The following LRFN5 variants were observed in gnomAD, a reference collection of about 807,000 sequenced individuals.
LRFN5 encodes the protein leucine-rich repeat and fibronectin type-III domain-containing protein 5.
In LRFN5, 24 loss-of-function variants were observed where a neutral mutation model predicts 45.6. The observed-to-expected ratio is 0.53, with a 90% CI of 0.38 to 0.74. The LOEUF (loss-of-function observed/expected upper bound fraction) is 0.74. Ranked by LOEUF, LRFN5 falls within the 30% of genes least tolerant of loss-of-function variation. LRFN5 has a pLI of 0.00. For synonymous variants in LRFN5, 340 were observed against 313.8 expected (o/e 1.08, Z -0.88); for missense variants, 776 against 861.5 (o/e 0.90, Z 1.24).
chr14:41,786,342 TC>T (rs1414501904), intron 2 of LRFN5, among the ~76,000 whole-genome samples: 1 of 152,014 alleles, frequency 6.6e-6, no homozygotes, highest in East Asian at 1.9e-4. Context: ...TTTTGTTTTT[TC>T]AAAAAGTAAT....
chr14:41,783,087 A>G (rs1176757016), intron 2 of LRFN5, among the ~76,000 whole-genome samples: 6 of 151,334 alleles, frequency 4.0e-5, no homozygotes, highest in Non-Finnish European at 7.4e-5. Context: ...CCTTTGACAA[A>G]TAGGGCTTCC....
At chr14:41,879,255 T>C (rs1229483246) in intron 2 of LRFN5, among the ~76,000 whole-genome samples, 1 of 151,876 alleles carries the variant, frequency 6.6e-6, no homozygotes, top group Non-Finnish European at 1.5e-5. Context: ...TCCTAAAATA[T>C]GATTAAGTTT....
chr14:41,865,585 G>T (rs1889812870), intron 2 of LRFN5, among the ~76,000 whole-genome samples: 1 of 152,012 alleles, frequency 6.6e-6, no homozygotes, highest in Non-Finnish European at 1.5e-5. Context: ...GTGTAATTAG[G>T]AATGGAAATG....
chr14:41,818,427 C>A (rs1887994193), intron 2 of LRFN5, among the ~76,000 whole-genome samples: 1 of 151,862 alleles, frequency 6.6e-6, no homozygotes, highest in Non-Finnish European at 1.5e-5. Context: ...GACCATTAAC[C>A]AAACTTTATT....
rs1887503666 is a variant in LRFN5, at chr14:41,606,922, C to A, written c.-1837C>A. Among the ~76,000 whole-genome samples, 1 of 151,954 alleles carries A rather than the reference C, an allele frequency of 6.6e-6. No homozygotes were observed. Among genetic ancestry groups the A allele is most frequent in the Admixed American group, 6.6e-5 (1 of 15,262 alleles). On this transcript the variant is annotated 5_prime_UTR_variant, in exon 1 of 6. Coordinates refer to ENST00000298119, the MANE Select transcript of LRFN5 (RefSeq NM_152447.5). ...CTGCAGCGCAGGGCTCAGTTCCACG[C>A]GGCCAGGAGGCCGCCGTTGCCCACA... is the stretch of plus-strand genomic sequence containing the variant.
intron 1 of LRFN5, among the ~76,000 whole-genome samples, chr14:41,622,862 T>A (rs934406315): frequency 1.4e-4 from 21 of 152,168 alleles, no homozygotes; most frequent in African/African-American, 5.1e-4. Context: ...CAAGTCATAC[T>A]CTTTTTTGAT....
rs191949312 is a variant in LRFN5, at chr14:41,904,297, T to C, written c.*122T>C. 1,697 of 1,179,854 alleles carry C rather than the reference T, an allele frequency of 1.4e-3. 3 individuals are homozygous for C. Among genetic ancestry groups the C allele is most frequent in the Non-Finnish European group, 1.7e-3 (1,364 of 802,778 alleles). 73.1% of individuals were successfully genotyped at this position (1,179,854 alleles called of 1,614,324 possible). ...TGAACTGGTGTCGTAGAAGAAATTG[T>C]CTACAGGAGCCAAGGTGAAAGTCTC... On this transcript the variant is annotated 3_prime_UTR_variant, in exon 6 of 6. Coordinates refer to ENST00000298119, the MANE Select transcript of LRFN5 (RefSeq NM_152447.5).
chr14:41,643,476 C>T (rs867074325), intron 1 of LRFN5, among the ~76,000 whole-genome samples: 59 of 152,212 alleles, frequency 3.9e-4, no homozygotes, highest in South Asian at 2.9e-3. Flanking sequence ...CATATCTTCT[C>T]GGCACACAAA....
intron 1 of LRFN5, among the ~76,000 whole-genome samples, chr14:41,753,677 G>A (rs1440446338): frequency 2.6e-5 from 4 of 152,146 alleles, no homozygotes; most frequent in Non-Finnish European, 4.4e-5. Flanking sequence ...CTGAGACGAT[G>A]GGGTTTTCTA....
At chr14:41,689,701 T>C (rs1194773815) in intron 1 of LRFN5, among the ~76,000 whole-genome samples, 1 of 151,360 alleles carries the variant, frequency 6.6e-6, no homozygotes, top group Non-Finnish European at 1.5e-5. Context: ...GAGACCATCC[T>C]GGCTAACACG....
Position 41,874,728 on chromosome 14 carries a change from C to A in LRFN5, c.-20-11878C>A, listed in dbSNP as rs1035974981. 4.6e-5 allele frequency among the ~76,000 whole-genome samples: 7 copies of A among 152,266 alleles called. No individual in the cohort carries two copies. The South Asian group carries it at 1.5e-3, about 32-fold the overall frequency. On this transcript the variant is annotated intron_variant, in intron 2 of 5. Coordinates refer to ENST00000298119, the MANE Select transcript of LRFN5 (RefSeq NM_152447.5). ...AAATGAATATATTAGTCAATTCTCA[C>A]ACTCCTAATAAAGACATACCCAAGA...
intron 1 of LRFN5, among the ~76,000 whole-genome samples, chr14:41,617,484 A>G (rs934042561): frequency 6.6e-6 from 1 of 152,056 alleles, no homozygotes; most frequent in Non-Finnish European, 1.5e-5. Context: ...TCCATTGATT[A>G]TTACAAAAAA....
chr14:41,755,624 C>A, intron 1 of LRFN5, among the ~76,000 whole-genome samples: 1 of 152,092 alleles, frequency 6.6e-6, no homozygotes, highest in Non-Finnish European at 1.5e-5. Context: ...CTTGGTAGAT[C>A]TTCCTCCATC....
intron 1 of LRFN5, among the ~76,000 whole-genome samples, chr14:41,746,584 T>C (rs1884929019): frequency 6.6e-6 from 1 of 152,004 alleles, no homozygotes; most frequent in Non-Finnish European, 1.5e-5. Flanking sequence ...GTTGAACACC[T>C]TTTCCTATAC....
At chr14:41,834,546 C>A (rs909211335) in intron 2 of LRFN5, among the ~76,000 whole-genome samples, 1 of 152,162 alleles carries the variant, frequency 6.6e-6, no homozygotes, top group Non-Finnish European at 1.5e-5. Context: ...TTTTATTTCA[C>A]CTTAACATTC....
At chr14:41,902,786 A>T (rs1594511202) in intron 5 of LRFN5, among the ~76,000 whole-genome samples, 1 of 151,764 alleles carries the variant, frequency 6.6e-6, no homozygotes, top group African/African-American at 2.4e-5. Flanking sequence ...TTGACCTTTG[A>T]TATAGTATCA....
At chr14:41,854,896 A>C (rs1889399454) in intron 2 of LRFN5, among the ~76,000 whole-genome samples, 1 of 152,218 alleles carries the variant, frequency 6.6e-6, no homozygotes, top group African/African-American at 2.4e-5. Context: ...AGCTTCATAA[A>C]TAGTATGCAC....
intron 4 of LRFN5, among the ~76,000 whole-genome samples, chr14:41,897,157 T>C (rs1473812744): frequency 2.0e-5 from 3 of 151,408 alleles, no homozygotes; most frequent in African/African-American, 7.3e-5. Context: ...GTGGTAAGCA[T>C]ATTGTTTTGA....
intron 2 of LRFN5, among the ~76,000 whole-genome samples, chr14:41,816,057 C>T (rs939830818): frequency 6.6e-6 from 1 of 152,096 alleles, no homozygotes; most frequent in Admixed American, 6.6e-5. Context: ...GAACACTGTA[C>T]CAACTTCACA....
Sources: gnomAD v4.1 joint callset for allele counts (sites outside exome capture counted in the v4.1 genomes callset) on GRCh38, gnomAD v4.1.1 for gene constraint, MANE v1.5 for transcripts, NCBI Gene and HGNC (gene_info 2026-07-23, HGNC 2026-07-21) for gene names.